The following SNRPN variants were observed in gnomAD, a reference collection of about 807,000 sequenced individuals.
The protein encoded by SNRPN is small nuclear ribonucleoprotein polypeptide N, also known as small nuclear ribonucleoprotein-associated protein N.
SNRPN carries 7 observed loss-of-function variants against 25.2 expected under a neutral mutation model. The ratio of observed to expected loss-of-function variants is 0.28; its 90% CI spans 0.16 to 0.52. The LOEUF (loss-of-function observed/expected upper bound fraction) is 0.52. SNRPN is among the 20% of genes least tolerant of loss of function. SNRPN has a pLI of 0.96. For synonymous variants in SNRPN, 124 were observed against 110.6 expected (o/e 1.12, Z -0.76); for missense variants, 196 against 322.5 (o/e 0.61, Z 3.00).
chr15:24,948,982 G>A (rs1360913183), intron 3 of SNRPN, among the ~76,000 whole-genome samples: 2 of 128,554 alleles, frequency 1.6e-5, no homozygotes, highest in Non-Finnish European at 3.2e-5. Flanking sequence ...TCACTAATCT[G>A]CTTTCTGTCT....
chr15:24,958,216 T>G (rs2063227864), intron 1 of SNRPN, among the ~76,000 whole-genome samples: 1 of 152,160 alleles, frequency 6.6e-6, no homozygotes, highest in Non-Finnish European at 1.5e-5. Flanking sequence ...TACAAAAAAT[T>G]TTGTTTATAA....
intron 2 of SNRPN, among the ~76,000 whole-genome samples, chr15:24,843,984 A>AC (rs1467193166): frequency 6.6e-6 from 1 of 151,950 alleles, no homozygotes. Flanking sequence ...AAAAAAAAAA[A>AC]AACGTATGAT....
chr15:24,976,547 A>G, intron 6 of SNRPN, 131 bp downstream of exon 6: 1 of 725,912 alleles, frequency 1.4e-6, no homozygotes, highest in Non-Finnish European at 2.3e-6. Context: ...GGCACTTAAT[A>G]TCAATTGTTG....
chr15:24,899,431 T>C (rs1193425135), intron 2 of SNRPN, among the ~76,000 whole-genome samples: 5 of 152,218 alleles, frequency 3.3e-5, no homozygotes, highest in Admixed American at 3.3e-4. Flanking sequence ...GTTTTTTCAG[T>C]AATTGAAGGT....
chr15:24,894,911 A>G (rs1388860973), intron 2 of SNRPN, among the ~76,000 whole-genome samples: 1 of 152,182 alleles, frequency 6.6e-6, no homozygotes, highest in African/African-American at 2.4e-5. Flanking sequence ...GAGACAGATT[A>G]ATGAGAGAAA....
chr15:24,901,646 TA>T (rs142377674), intron 2 of SNRPN, among the ~76,000 whole-genome samples: 7,411 of 152,308 alleles, frequency 0.049, 195 homozygotes, highest in African/African-American at 0.075. Context: ...AAGTTACACA[TA>T]AACTTTAGTG....
chr15:24,940,109 C>T (rs576670611), intron 3 of SNRPN, among the ~76,000 whole-genome samples: 8 of 152,210 alleles, frequency 5.3e-5, no homozygotes, highest in East Asian at 3.9e-4. Flanking sequence ...TATATCTATT[C>T]GGACTATTAA....
chr15:24,876,486 G>A lies in SNRPN; in HGVS notation c.-578-10030G>A, dbSNP rs138477788. Among the ~76,000 whole-genome samples, 979 of 151,840 alleles carry A rather than the reference G, an allele frequency of 6.4e-3. 4 individuals carry two copies. Among genetic ancestry groups the A allele is most frequent in the Middle Eastern group, 0.017 (5 of 294 alleles). On this transcript the variant is annotated intron_variant, in intron 1 of 11. Transcript: ENST00000400097. The stretch of plus-strand genomic sequence containing the variant: ...ACAAAAATTAGCTGAGTGTGGTGGC[G>A]TGCGCCTGTAATCCAAGCTACTCAG...
intron 1 of SNRPN, among the ~76,000 whole-genome samples, chr15:24,861,476 G>A (rs956425534): frequency 6.6e-6 from 1 of 152,230 alleles, no homozygotes; most frequent in African/African-American, 2.4e-5. Context: ...TGCAGGACTG[G>A]AAGTTCTTCT....
At chr15:24,911,416 G>C (rs2059206498) in intron 2 of SNRPN, among the ~76,000 whole-genome samples, 2 of 152,112 alleles carry the variant, frequency 1.3e-5, no homozygotes, top group African/African-American at 4.8e-5. Flanking sequence ...AGGTCCTTGA[G>C]GGAATAACAA....
intron 2 of SNRPN, among the ~76,000 whole-genome samples, chr15:24,914,597 T>A (rs1419147367): frequency 6.6e-6 from 1 of 152,086 alleles, no homozygotes; most frequent in Non-Finnish European, 1.5e-5. Flanking sequence ...CCTTACAAGC[T>A]TCAGTGGACA....
intron 3 of SNRPN, among the ~76,000 whole-genome samples, chr15:24,937,730 C>T (rs1017661972): frequency 3.9e-5 from 6 of 152,128 alleles, no homozygotes; most frequent in Admixed American, 2.0e-4. Flanking sequence ...TTTTGTCTTA[C>T]AAAACTGAAA....
At chr15:24,855,569 C>G (rs1256958679), upstream of SNRPN, among the ~76,000 whole-genome samples, 1 of 152,064 alleles carries the variant, frequency 6.6e-6, no homozygotes, top group African/African-American at 2.4e-5. Flanking sequence ...GCAGGCAGAT[C>G]ACGTGAGGTC....
chr15:24,925,189 C>T (rs2060296602), intron 3 of SNRPN, among the ~76,000 whole-genome samples: 1 of 152,128 alleles, frequency 6.6e-6, no homozygotes, highest in Non-Finnish European at 1.5e-5. Context: ...AATATTGATG[C>T]CTCCAAATCC....
chr15:24,848,576 G>A (rs537161401), intron 2 of SNRPN: 9 of 152,178 alleles, frequency 5.9e-5, no homozygotes, highest in African/African-American at 1.9e-4. Flanking sequence ...AACATTGCAA[G>A]AACCATGATT....
chr15:24,944,544 A>G (rs987418939), intron 3 of SNRPN, among the ~76,000 whole-genome samples: 1 of 152,206 alleles, frequency 6.6e-6, no homozygotes, highest in African/African-American at 2.4e-5. Context: ...CTAAAAATAC[A>G]AAAAGCAATT....
chr15:24,870,472 C>G (rs1465462404), intron 1 of SNRPN, among the ~76,000 whole-genome samples: 2 of 152,156 alleles, frequency 1.3e-5, no homozygotes. Flanking sequence ...TAACTTGAAT[C>G]AATCTCCCCA....
chr15:24,863,087 A>G (rs930136202), intron 1 of SNRPN, among the ~76,000 whole-genome samples: 1 of 150,742 alleles, frequency 6.6e-6, no homozygotes, highest in Admixed American at 6.6e-5. Context: ...ACTGACAAGG[A>G]AGACAGTTGG....
upstream of SNRPN, among the ~76,000 whole-genome samples, chr15:24,953,289 T>C (rs1663736962): frequency 6.6e-6 from 1 of 152,198 alleles, no homozygotes; most frequent in Non-Finnish European, 1.5e-5. Flanking sequence ...TCTTTCATAA[T>C]TTTTTCAGTG....
Sources: allele counts gnomAD v4.1 joint callset (sites outside exome capture counted in the v4.1 genomes callset), GRCh38; gene constraint gnomAD v4.1.1; transcripts MANE v1.5; gene names NCBI Gene and HGNC (gene_info 2026-07-23, HGNC 2026-07-21).